The following LRIG3 variants were observed in gnomAD, a reference collection of about 807,000 sequenced individuals.
The protein encoded by LRIG3 is leucine rich repeats and immunoglobulin like domains 3, also known as leucine-rich repeats and immunoglobulin-like domains protein 3.
A neutral mutation model predicts 114.5 loss-of-function variants in LRIG3; 76 were observed. That is an observed-to-expected ratio of 0.66 (90% CI 0.55 to 0.80). The LOEUF is 0.80. Among genes scored for constraint, LRIG3 ranks in the 30% least tolerant of loss-of-function variants. The probability of loss-of-function intolerance (pLI) is 0.00; values close to 1 mark genes in which losing one functional copy is unlikely to be tolerated. For synonymous variants in LRIG3, 512 were observed against 519.8 expected (o/e 0.98, Z 0.20); for missense variants, 1,239 against 1,382.8 (o/e 0.90, Z 1.65).
Position 58,877,463 on chromosome 12 carries a change from C to T in LRIG3, c.2473G>A (p.Val825Met), listed in dbSNP as rs564540558. The T allele has an allele frequency of 7.1e-5, 115 of 1,614,176 alleles. No individual in the cohort carries two copies. In the East Asian group the frequency reaches 1.7e-3, roughly 24 times the overall value. The change falls in exon 15 of 19, where the codon GTG becomes ATG. Residue 825 changes from valine (V) to methionine (M), a missense_variant. Val to Met is a conservative substitution (Grantham distance 21). Coordinates refer to ENST00000320743, the MANE Select transcript of LRIG3 (RefSeq NM_153377.5). ...VVCCVVGTSL[V>M]WVVIIYHTRR... ...GTGTGGTATATGATGACCACCCACACGAGTGACGTGCCCACCACACAGCAA... is the reference window on the plus strand; with the variant it reads ...GTGTGGTATATGATGACCACCCACATGAGTGACGTGCCCACCACACAGCAA...
chr12:58,883,556 C>T lies in LRIG3; in HGVS notation c.1280G>A (p.Gly427Asp). The T allele has an allele frequency of 6.5e-7, 1 of 1,549,218 alleles. No homozygotes were observed. Among genetic ancestry groups the T allele is most frequent in the Non-Finnish European group, 8.8e-7 (1 of 1,134,978 alleles). Residue 427 changes from glycine (G) to aspartate (D), a missense_variant, in exon 11 of 19, where the codon GGC (glycine) becomes GAC (aspartate). Gly to Asp is a moderately conservative substitution (Grantham distance 94, BLOSUM62 -1). Coordinates refer to ENST00000320743, the MANE Select transcript of LRIG3 (RefSeq NM_153377.5). The stretch of plus-strand genomic sequence containing the variant: ...TTTCTTCATTTGTGAAAATGCATTG[C>T]CTTGTAAAGACATGATTGCGTTGTC... ...LSDNAIMSLQ[G>D]NAFSQMKKLQ...
intron 16 of LRIG3, among the ~76,000 whole-genome samples, chr12:58,875,094 C>T (rs1870871213): frequency 6.6e-6 from 1 of 152,190 alleles, no homozygotes; most frequent in South Asian, 2.1e-4. Flanking sequence ...GAAGCAGAAA[C>T]TGGGCAGCAA....
At chr12:58,883,076 G>C (rs753783605) in intron 11 of LRIG3, 44 bp from the exon 12 acceptor site, 55 of 1,540,890 alleles carry the variant, frequency 3.6e-5, no homozygotes, top group Non-Finnish European at 4.7e-5. Context: ...ATGAAATGCA[G>C]ATTTCTACAA....
intron 14 of LRIG3, 68 bp from the exon 15 acceptor site, chr12:58,877,920 T>C (rs915473010): frequency 7.0e-7 from 1 of 1,418,666 alleles, no homozygotes; most frequent in Non-Finnish European, 9.5e-7. Flanking sequence ...AAATGTAGCA[T>C]TTAAACTTAT....
At chr12:58,903,210 C>T (rs1433497176) in intron 3 of LRIG3, among the ~76,000 whole-genome samples, 2 of 152,218 alleles carry the variant, frequency 1.3e-5, no homozygotes, top group Admixed American at 6.5e-5. Flanking sequence ...GTTCCTATTT[C>T]TCCACATCCT....
chr12:58,891,470 A>T (rs566082778), intron 3 of LRIG3, among the ~76,000 whole-genome samples: 1 of 152,338 alleles, frequency 6.6e-6, no homozygotes, highest in East Asian at 1.9e-4. Flanking sequence ...CCTAACACCA[A>T]GGTGGCATAC....
intron 11 of LRIG3, 150 bp from the exon 12 acceptor site, chr12:58,883,182 T>C (rs957208339): frequency 2.3e-5 from 17 of 751,856 alleles, no homozygotes; most frequent in Non-Finnish European, 3.5e-5. Flanking sequence ...CATTTTAAAA[T>C]ACAAGAAATG....
At position 58,872,264 on chromosome 12, in the gene LRIG3, TC is replaced by T. The variant is rs1870761984; in HGVS notation, c.*307del. 2 of 174,388 alleles carry T rather than the reference TC, an allele frequency of 1.1e-5. No homozygotes were observed. Among genetic ancestry groups the T allele is most frequent in the South Asian group, 3.6e-4 (2 of 5,496 alleles). 10.8% of individuals were successfully genotyped at this position (174,388 alleles called of 1,614,324 possible). On this transcript the variant is annotated 3_prime_UTR_variant, in exon 19 of 19. Transcript: ENST00000320743. Reference sequence around the variant, plus strand: ...TTTAAAATGCTTTAGTAACTCATTTTCCATAAAAAGAAATCTGGCATTATAA... The same window carrying T: ...TTTAAAATGCTTTAGTAACTCATTTTCATAAAAAGAAATCTGGCATTATAA...
At chr12:58,898,152 T>C (rs936950792) in intron 3 of LRIG3, among the ~76,000 whole-genome samples, 1 of 152,214 alleles carries the variant, frequency 6.6e-6, no homozygotes, top group African/African-American at 2.4e-5. Flanking sequence ...AAAACTGTGA[T>C]ACTCTATATT....
chr12:58,890,667 A>G lies in LRIG3; in HGVS notation c.513T>C (p.Tyr171=). The G allele has an allele frequency of 8.9e-6, 14 of 1,566,678 alleles. No individual in the cohort carries two copies. Among genetic ancestry groups the G allele is most frequent in the Non-Finnish European group, 1.1e-5 (13 of 1,160,474 alleles). The change falls in exon 4 of 19, where the codon TAT becomes TAC. Residue 171 remains tyrosine, a splice_region_variant and synonymous_variant. Coordinates refer to ENST00000320743, the MANE Select transcript of LRIG3 (RefSeq NM_153377.5). ...QTAFPALQLK[Y]LYLNSNRVTS... Reference sequence around the variant, plus strand: ...TTGCTAAAGAAAACTTCACTTACAGATATTTGAGCTGTAGGGCTGGAAATG... The same window carrying G: ...TTGCTAAAGAAAACTTCACTTACAGGTATTTGAGCTGTAGGGCTGGAAATG...
intron 12 of LRIG3, 127 bp from the exon 13 acceptor site, chr12:58,881,028 G>T: frequency 1.2e-6 from 1 of 831,916 alleles, no homozygotes; most frequent in Non-Finnish European, 1.9e-6. Context: ...ATGTTTTCCA[G>T]ATGGACTAGC....
intron 3 of LRIG3, among the ~76,000 whole-genome samples, chr12:58,911,844 G>A (rs1872289260): frequency 6.6e-6 from 1 of 152,164 alleles, no homozygotes; most frequent in South Asian, 2.1e-4. Flanking sequence ...ATTCGTAGAT[G>A]AAAACAACCA....
rs1462646132 is a variant in LRIG3 at position 58,879,085 on chromosome 12, T to TA, written c.1821_1822insT (p.Thr608TyrfsTer52). 1 of 1,612,164 alleles carries TA rather than the reference T, an allele frequency of 6.2e-7. No individual in the cohort carries two copies. ...GCTCGGATGGTGAGATCCATGGGGG[T>TA]CTTGGTGAATGAGGGAAGCACTGAA... is the stretch of plus-strand genomic sequence containing the variant. On this transcript the variant is annotated frameshift_variant, in exon 14 of 19. Transcript: ENST00000320743. LOFTEE classifies it high-confidence loss of function.
At chr12:58,889,046 T>C in intron 5 of LRIG3, 84 bp from the exon 6 acceptor site, 1 of 1,298,932 alleles carries the variant, frequency 7.7e-7, no homozygotes, top group Non-Finnish European at 1.1e-6. Context: ...TACAATATAG[T>C]TCAACCAGTC....
intron 1 of LRIG3, among the ~76,000 whole-genome samples, chr12:58,917,385 G>A (rs915382376): frequency 6.6e-6 from 1 of 152,202 alleles, no homozygotes; most frequent in African/African-American, 2.4e-5. Context: ...GTTGAGAACT[G>A]TTTAAGCGCA....
At position 58,872,468 on chromosome 12, in the gene LRIG3, T is replaced by C. The variant is rs11172787; in HGVS notation, c.*104A>G. Reference sequence around the variant, plus strand: ...CTGTATAAATAAAGCATTTTTATCCTTTTAAAATTCATAACTCCATTTAAA... The same window carrying C: ...CTGTATAAATAAAGCATTTTTATCCCTTTAAAATTCATAACTCCATTTAAA... On this transcript the variant is annotated 3_prime_UTR_variant, in exon 19 of 19. Transcript: ENST00000320743. 0.04 allele frequency: 52,057 copies of C among 1,315,682 alleles called. 1,128 individuals carry two copies. Among genetic ancestry groups the C allele is most frequent in the East Asian group, 0.048 (1,921 of 40,024 alleles). 81.5% of individuals were successfully genotyped at this position (1,315,682 alleles called of 1,614,324 possible).
At chr12:58,880,427 A>G in intron 13 of LRIG3, 154 bp downstream of exon 13, 1 of 808,416 alleles carries the variant, frequency 1.2e-6, no homozygotes, top group East Asian at 2.6e-5. Flanking sequence ...AATAACCAAG[A>G]ATCTTAATTT....
intron 15 of LRIG3, 63 bp downstream of exon 15, chr12:58,877,336 AG>A (rs1430762325): frequency 2.0e-6 from 3 of 1,492,084 alleles, no homozygotes; most frequent in Admixed American, 3.4e-5. Context: ...ACGTTCTAGA[AG>A]TATTTGCAGA....
At chr12:58,912,352 C>T (rs1027093822) in intron 3 of LRIG3, among the ~76,000 whole-genome samples, 19 of 152,212 alleles carry the variant, frequency 1.2e-4, no homozygotes, top group Admixed American at 7.9e-4. Context: ...AAAAACTAGC[C>T]GGGCGTAGTG....
Sources: gnomAD v4.1 joint callset for allele counts (sites outside exome capture counted in the v4.1 genomes callset) on GRCh38, gnomAD v4.1.1 for gene constraint, MANE v1.5 for transcripts, NCBI Gene and HGNC (gene_info 2026-07-23, HGNC 2026-07-21) for gene names.